The following SCN3A variants were observed in gnomAD, a reference collection of about 807,000 sequenced individuals.
SCN3A encodes the protein sodium channel protein type 3 subunit alpha.
SCN3A carries 60 observed loss-of-function variants against 187.6 expected under a neutral mutation model. That is an observed-to-expected ratio of 0.32 (90% CI 0.26 to 0.40). SCN3A has a LOEUF of 0.40. Among genes scored for constraint, SCN3A ranks in the 10% least tolerant of loss-of-function variants. The pLI is 1.00. For synonymous variants in SCN3A, 788 were observed against 829.2 expected, an observed-to-expected ratio of 0.95 and a Z score of 0.85; for missense variants, 1,601 against 2,428.2, an observed-to-expected ratio of 0.66 and a Z score of 7.16.
chr2:165,157,900 C>T (rs2105875389), intron 9 of SCN3A, among the ~76,000 whole-genome samples: 1 of 152,176 alleles, frequency 6.6e-6, no homozygotes, highest in East Asian at 1.9e-4. Context: ...TGACATACAC[C>T]ATGGTTGTGG....
chr2:165,125,478 G>GTATT (rs1686934043), intron 18 of SCN3A, among the ~76,000 whole-genome samples: 1 of 151,724 alleles, frequency 6.6e-6, no homozygotes, highest in African/African-American at 2.4e-5. Context: ...GAATTTTTTT[G>GTATT]TATTTATTTA....
chr2:165,200,600 AT>A lies in SCN3A; in HGVS notation c.-248+3222del, dbSNP rs577380164. ...TCTAGTTGAGAAACACTACCCTCAT[AT>A]TTTTAAGCCTCCCAAGCTCTTAGCC... is the stretch of plus-strand genomic sequence containing the variant. On this transcript the variant is annotated intron_variant, in intron 1 of 27. Coordinates refer to ENST00000283254, the MANE Select transcript of SCN3A (RefSeq NM_006922.4). Among the ~76,000 whole-genome samples the A allele has an allele frequency of 4.6e-5, 7 of 152,142 alleles. No homozygotes were observed. In the South Asian group the frequency reaches 8.3e-4, roughly 18 times the overall value.
At position 165,191,810 on chromosome 2, in the gene SCN3A, G is replaced by A. The variant is rs182760953; in HGVS notation, c.-247-5063C>T. Among the ~76,000 whole-genome samples, 110 of 152,182 alleles carry A rather than the reference G, an allele frequency of 7.2e-4. No homozygotes were observed. The South Asian group carries it at 7.3e-3, about 10-fold the overall frequency. ...GGGCTGGAATATTTGCCTTTTTGGG[G>A]TCTATTTTCACCAATGAATCTCATG... On this transcript the variant is annotated intron_variant, in intron 1 of 27. Coordinates refer to ENST00000283254, the MANE Select transcript of SCN3A (RefSeq NM_006922.4).
chr2:165,097,255 T>G lies in SCN3A; in HGVS notation c.4236A>C (p.Gln1412His), dbSNP rs551837418. 6.2e-7 allele frequency: 1 copy of G among 1,613,994 alleles called. No individual in the cohort carries two copies. Among genetic ancestry groups the G allele is most frequent in the Non-Finnish European group, 8.5e-7 (1 of 1,179,982 alleles). ...AACTCGTACAGTAGCCACTTACCAC[T>G]TGAAGCAGTGCAAGATAGCCAGCGC... is the stretch of plus-strand genomic sequence containing the variant. ...NVGAGYLALL[Q>H]VATFKGWMDI... Residue 1412 changes from glutamine to histidine, a missense_variant, in exon 23 of 28, where the codon CAA (glutamine) becomes CAC (histidine). Gln to His is a conservative substitution (Grantham distance 24, BLOSUM62 0). This residue lies in a region of SCN3A where 320 missense variants were observed against 623.2 expected (regional missense o/e 0.51). Transcript: ENST00000283254.
intron 1 of SCN3A, among the ~76,000 whole-genome samples, chr2:165,197,318 T>C (rs1313547645): frequency 6.6e-6 from 1 of 152,140 alleles, no homozygotes; most frequent in Admixed American, 6.6e-5. Flanking sequence ...TTTTTCTTTG[T>C]CTTTCTCTAG....
intron 10 of SCN3A, among the ~76,000 whole-genome samples, chr2:165,155,430 TACTC>T (rs1688959125): frequency 6.6e-6 from 1 of 151,946 alleles, no homozygotes; most frequent in South Asian, 2.1e-4. Flanking sequence ...GATGGGGTCT[TACTC>T]TGTCATCTAG....
chr2:165,131,153 A>G (rs1687290315), intron 16 of SCN3A, 91 bp downstream of exon 16: 2 of 752,074 alleles, frequency 2.7e-6, no homozygotes, highest in African/African-American at 1.9e-5. Context: ...TAAATTTAAA[A>G]TTAAAATTAA....
intron 21 of SCN3A, among the ~76,000 whole-genome samples, chr2:165,108,629 T>A (rs2105692272): frequency 6.6e-6 from 1 of 152,274 alleles, no homozygotes; most frequent in African/African-American, 2.4e-5. Flanking sequence ...CAGAGATGAC[T>A]GCAAAAATTG....
intron 15 of SCN3A, among the ~76,000 whole-genome samples, chr2:165,132,666 G>C (rs966045032): frequency 3.9e-5 from 6 of 151,968 alleles, no homozygotes; most frequent in African/African-American, 1.5e-4. Flanking sequence ...TAGACCTAAA[G>C]CCATAAAAAC....
intron 12 of SCN3A, among the ~76,000 whole-genome samples, chr2:165,142,746 G>T (rs550888133): frequency 1.3e-5 from 2 of 151,826 alleles, no homozygotes; most frequent in Non-Finnish European, 2.9e-5. Flanking sequence ...TGTTGTTGTT[G>T]TTGTTGTTGT....
intron 2 of SCN3A, among the ~76,000 whole-genome samples, chr2:165,181,756 G>A (rs1302700817): frequency 6.6e-6 from 1 of 152,168 alleles, no homozygotes; most frequent in Non-Finnish European, 1.5e-5. Context: ...ATGAAAAAAA[G>A]AAAAGTGGCT....
chr2:165,123,761 C>G (rs969064861), intron 18 of SCN3A, among the ~76,000 whole-genome samples: 1 of 152,134 alleles, frequency 6.6e-6, no homozygotes, highest in African/African-American at 2.4e-5. Context: ...AGTATGCTAG[C>G]AGCTTTTGGA....
Position 165,186,605 on chromosome 2 carries a change from TATCTCA to T in SCN3A, c.-111_-106del, listed in dbSNP as rs1691258533. 1 of 152,150 alleles carries T rather than the reference TATCTCA, an allele frequency of 6.6e-6. No homozygotes were observed. Among genetic ancestry groups the T allele is most frequent in the South Asian group, 2.1e-4 (1 of 4,820 alleles). 9.4% of individuals were successfully genotyped at this position (152,150 alleles called of 1,614,324 possible). ...AAAGCTCCAGGTCCCTTCTGTGAAT[TATCTCA>T]TTTATTCTTACAATATCCCTAGAAG... On this transcript the variant is annotated 5_prime_UTR_variant, in exon 2 of 28. The change abolishes an upstream ATG in the 5' untranslated region. Coordinates refer to ENST00000283254, the MANE Select transcript of SCN3A (RefSeq NM_006922.4).
At chr2:165,162,081 CTG>C (rs1188238468) in intron 9 of SCN3A, among the ~76,000 whole-genome samples, 2 of 152,276 alleles carry the variant, frequency 1.3e-5, no homozygotes, top group South Asian at 2.1e-4. Flanking sequence ...AACATCTTAA[CTG>C]TGAAATTTTG....
intron 11 of SCN3A, among the ~76,000 whole-genome samples, chr2:165,153,400 A>T (rs1189041664): frequency 6.6e-6 from 1 of 152,184 alleles, no homozygotes; most frequent in Non-Finnish European, 1.5e-5. Flanking sequence ...TAGATCCAAA[A>T]GAATGATTTA....
intron 18 of SCN3A, among the ~76,000 whole-genome samples, chr2:165,123,535 G>T (rs555052731): frequency 1.3e-5 from 2 of 152,208 alleles, no homozygotes; most frequent in East Asian, 3.9e-4. Flanking sequence ...GTATAACTCT[G>T]GTGGGTTTAA....
rs200810905 is a variant in SCN3A at position 165,131,230 on chromosome 2, A to G, written c.2565+14T>C. On this transcript the variant is annotated intron_variant, in intron 16 of 27. Transcript: ENST00000283254. Reference sequence around the variant, plus strand: ...TTGTGCCAATGAGCGACAGGGATATATATAAATAGATACCAGTCTGAATGA... The same window carrying G: ...TTGTGCCAATGAGCGACAGGGATATGTATAAATAGATACCAGTCTGAATGA... 297 of 1,559,230 alleles carry G rather than the reference A, an allele frequency of 1.9e-4. 1 individual carries two copies. Among genetic ancestry groups the G allele is most frequent in the Admixed American group, 3.9e-4 (22 of 56,666 alleles).
At position 165,140,217 on chromosome 2, in the gene SCN3A, A is replaced by G. The variant is rs1687922184; in HGVS notation, c.2019+434T>C. 6.6e-6 allele frequency among the ~76,000 whole-genome samples: 1 copy of G among 152,222 alleles called. No homozygotes were observed. On this transcript the variant is annotated intron_variant, in intron 13 of 27. Coordinates refer to ENST00000283254, the MANE Select transcript of SCN3A (RefSeq NM_006922.4). This position sits in a 1 kb window ranked among gnomAD's most constrained non-coding sequence, Gnocchi z 4.2. ...CACTGTAAATATTGACAGTTGTATG[A>G]AATTGCCCATTATCAACAAATTGGT...
At chr2:165,182,600 T>C (rs768553681) in intron 2 of SCN3A, among the ~76,000 whole-genome samples, 4 of 152,072 alleles carry the variant, frequency 2.6e-5, no homozygotes, top group Non-Finnish European at 4.4e-5. Flanking sequence ...ATAGGAGATG[T>C]GAATTAAAGT....
Sources: allele counts gnomAD v4.1 joint callset (sites outside exome capture counted in the v4.1 genomes callset), GRCh38; gene constraint gnomAD v4.1.1; regional missense constraint gnomAD v4.1.1; non-coding constraint Gnocchi (gnomAD v3.1); transcripts MANE v1.5; gene names NCBI Gene and HGNC (gene_info 2026-07-23, HGNC 2026-07-21).